The following DLG2 variants were observed in gnomAD, a reference collection of about 807,000 sequenced individuals.
The protein encoded by DLG2 is disks large homolog 2.
A neutral mutation model predicts 132.5 loss-of-function variants in DLG2; 45 were observed. That is an observed-to-expected ratio of 0.34 (90% confidence interval 0.27 to 0.44). DLG2 has a LOEUF of 0.44. Among genes scored for constraint, DLG2 ranks in the 20% least tolerant of loss-of-function variants. DLG2 has a pLI of 1.00. For missense variants in DLG2, 1,045 were observed against 1,196.9 expected (o/e 0.87, Z 1.87); for synonymous variants, 424 against 419.6 (o/e 1.01, Z -0.13).
chr11:84,352,530 G>C (rs1031873511), intron 7 of DLG2, among the ~76,000 whole-genome samples: 1 of 152,140 alleles, frequency 6.6e-6, no homozygotes, highest in Non-Finnish European at 1.5e-5. Flanking sequence ...TTTGTTTCCT[G>C]TATGTTTCCA....
chr11:85,570,134 T>C (rs1353926681), intron 3 of DLG2, among the ~76,000 whole-genome samples: 2 of 152,178 alleles, frequency 1.3e-5, no homozygotes, highest in African/African-American at 4.8e-5. Context: ...AAAATGTTTT[T>C]TAAAAAAACA....
At chr11:85,275,934 T>C (rs1274360918) in intron 4 of DLG2, among the ~76,000 whole-genome samples, 1 of 152,090 alleles carries the variant, frequency 6.6e-6, no homozygotes. Flanking sequence ...GCTTACTGAT[T>C]CTAGGTAAGG....
intron 10 of DLG2, among the ~76,000 whole-genome samples, chr11:84,072,514 G>A (rs1262040207): frequency 6.6e-6 from 1 of 152,130 alleles, no homozygotes; most frequent in African/African-American, 2.4e-5. Flanking sequence ...GGTTTTTGGG[G>A]GCCAAGGAAA....
chr11:85,357,113 T>G (rs2083761309), intron 3 of DLG2, among the ~76,000 whole-genome samples: 1 of 152,044 alleles, frequency 6.6e-6, no homozygotes, highest in South Asian at 2.1e-4. Context: ...TTTAAAATGA[T>G]TTTTAGAAGG....
intron 16 of DLG2, among the ~76,000 whole-genome samples, chr11:83,870,724 T>A (rs1462984519): frequency 6.6e-6 from 1 of 152,076 alleles, no homozygotes; most frequent in Non-Finnish European, 1.5e-5. Context: ...GCATGCTAAT[T>A]GGGGGACTCT....
chr11:84,130,030 T>A (rs116975799), intron 9 of DLG2, among the ~76,000 whole-genome samples: 397 of 152,172 alleles, frequency 2.6e-3, no homozygotes, highest in Non-Finnish European at 3.7e-3. Flanking sequence ...TAGAAATTTC[T>A]CAAAAGTTCT....
chr11:85,204,992 A>G (rs1258822457), intron 4 of DLG2, among the ~76,000 whole-genome samples: 1 of 152,080 alleles, frequency 6.6e-6, no homozygotes. Flanking sequence ...CAGAAAAATA[A>G]AAATAGATCC....
intron 6 of DLG2, among the ~76,000 whole-genome samples, chr11:84,814,904 A>T (rs1228012923): frequency 6.6e-6 from 1 of 152,152 alleles, no homozygotes; most frequent in East Asian, 1.9e-4. Flanking sequence ...TTTTGAAGAC[A>T]TGCTTTGATG....
chr11:85,532,718 A>T (rs1372069630), intron 3 of DLG2, among the ~76,000 whole-genome samples: 1 of 152,204 alleles, frequency 6.6e-6, no homozygotes, highest in Non-Finnish European at 1.5e-5. Flanking sequence ...TCCAACTTAG[A>T]CAGTAAAAGG....
chr11:85,225,364 T>A (rs1392848512), intron 4 of DLG2, among the ~76,000 whole-genome samples: 1 of 152,120 alleles, frequency 6.6e-6, no homozygotes, highest in African/African-American at 2.4e-5. Context: ...ATGACCTTGC[T>A]ACCTACTTGG....
chr11:84,461,038 C>T (rs536511128), intron 7 of DLG2, among the ~76,000 whole-genome samples: 58 of 150,866 alleles, frequency 3.8e-4, no homozygotes, highest in African/African-American at 1.4e-3. Flanking sequence ...AAAATTTCTT[C>T]AGCTATATTT....
chr11:85,122,876 ATATG>A lies in DLG2; in HGVS notation c.283-11145_283-11142del, dbSNP rs2074498209. ...AATGCACACACATATACACACATAT[ATATG>A]TATATTTATACACATATACACACAC... On this transcript the variant is annotated intron_variant, in intron 5 of 27. Coordinates refer to ENST00000376104, the MANE Select transcript of DLG2 (RefSeq NM_001142699.3). Among the ~76,000 whole-genome samples the A allele has an allele frequency of 2.0e-5, 3 of 147,360 alleles. No homozygotes were observed. In the Admixed American group the frequency reaches 2.1e-4, roughly 10 times the overall value.
chr11:85,413,519 G>T (rs551602443), intron 3 of DLG2, among the ~76,000 whole-genome samples: 1 of 151,976 alleles, frequency 6.6e-6, no homozygotes, highest in South Asian at 2.1e-4. Context: ...TTATATTCTA[G>T]AATTTTTAGA....
At chr11:84,111,929 T>A (rs2093368624) in intron 9 of DLG2, among the ~76,000 whole-genome samples, 1 of 152,208 alleles carries the variant, frequency 6.6e-6, no homozygotes, top group African/African-American at 2.4e-5. Context: ...CTATTTCCAC[T>A]GCCTCTATTT....
chr11:84,657,638 G>A (rs1018955438), intron 6 of DLG2, among the ~76,000 whole-genome samples: 1 of 152,128 alleles, frequency 6.6e-6, no homozygotes, highest in Non-Finnish European at 1.5e-5. Context: ...GTTCACAATA[G>A]GTTTCCTGCT....
chr11:84,548,721 A>T (rs1457841020), intron 6 of DLG2, among the ~76,000 whole-genome samples: 2 of 152,110 alleles, frequency 1.3e-5, no homozygotes, highest in Non-Finnish European at 2.9e-5. Context: ...TGCTATTGTG[A>T]ATAGTGCCAC....
chr11:85,151,047 T>C (rs1420590259), intron 5 of DLG2, among the ~76,000 whole-genome samples: 2 of 152,224 alleles, frequency 1.3e-5, no homozygotes, highest in Non-Finnish European at 2.9e-5. Flanking sequence ...TCTGTTATTT[T>C]GACAGCAGGC....
At chr11:83,829,926 G>A (rs1412719967) in intron 17 of DLG2, among the ~76,000 whole-genome samples, 1 of 152,006 alleles carries the variant, frequency 6.6e-6, no homozygotes, top group Non-Finnish European at 1.5e-5. Context: ...GCCCCGGTGT[G>A]TGATGTTCGC....
chr11:83,471,531 G>T, intron 24 of DLG2, 95 bp downstream of exon 24: 1 of 861,814 alleles, frequency 1.2e-6, no homozygotes, highest in Non-Finnish European at 1.9e-6. Flanking sequence ...TGAATTACTG[G>T]AGAGACTACT....
Sources: gnomAD v4.1 joint callset for allele counts (sites outside exome capture counted in the v4.1 genomes callset) on GRCh38, gnomAD v4.1.1 for gene constraint, MANE v1.5 for transcripts, NCBI Gene and HGNC (gene_info 2026-07-23, HGNC 2026-07-21) for gene names.